CCDC171: variants seen among roughly 807,000 people sequenced by gnomAD.
CCDC171 encodes the protein coiled-coil domain-containing protein 171.
In CCDC171, 177 loss-of-function variants were observed where a neutral mutation model predicts 168.2. The ratio of observed to expected loss-of-function variants is 1.05; its 90% confidence interval spans 0.93 to 1.19. CCDC171 has a LOEUF of 1.19. CCDC171 is among the 50% of genes most tolerant of loss of function. The pLI is 0.00. For missense variants in CCDC171, 1,991 were observed against 1,539.0 expected, an observed-to-expected ratio of 1.29 and a Z score of -4.91; for synonymous variants, 687 against 540.8, an observed-to-expected ratio of 1.27 and a Z score of -3.75.
Position 15,871,762 on chromosome 9 carries a change from C to T in CCDC171, c.3469-2770C>T, listed in dbSNP as rs2062047385. ...CCTTGAAATTCAGACTTGCCTTCTGCATTCTTTCTGAAGTCTCTTCCTTCT... is the reference window on the plus strand; with the variant it reads ...CCTTGAAATTCAGACTTGCCTTCTGTATTCTTTCTGAAGTCTCTTCCTTCT... On this transcript the variant is annotated intron_variant, in intron 23 of 25. Coordinates refer to ENST00000380701, the MANE Select transcript of CCDC171 (RefSeq NM_173550.4). 1.3e-5 allele frequency among the ~76,000 whole-genome samples: 2 copies of T among 151,944 alleles called. 1 individual carries two copies. Among genetic ancestry groups the T allele is most frequent in the South Asian group, 4.1e-4 (2 of 4,836 alleles).
chr9:15,907,453 A>G (rs1822861460), intron 24 of CCDC171, among the ~76,000 whole-genome samples: 1 of 152,242 alleles, frequency 6.6e-6, no homozygotes, highest in Non-Finnish European at 1.5e-5. Flanking sequence ...CTGGCTAGCC[A>G]TATGTAGAAA....
At chr9:15,682,452 T>C (rs961423077) in intron 10 of CCDC171, among the ~76,000 whole-genome samples, 3 of 152,028 alleles carry the variant, frequency 2.0e-5, no homozygotes, top group Admixed American at 6.6e-5. Context: ...AATTTAATTG[T>C]ACTTTATTTA....
At chr9:15,851,003 T>G (rs1189924486) in intron 23 of CCDC171, among the ~76,000 whole-genome samples, 1 of 151,992 alleles carries the variant, frequency 6.6e-6, no homozygotes, top group Non-Finnish European at 1.5e-5. Context: ...AGAATAAAAC[T>G]AAGTCTTACC....
Position 15,594,052 on chromosome 9 carries a change from A to C in CCDC171, c.555A>C (p.Glu185Asp). ...TTATTTATATAAAGGAAGCGTTGGA[A>C]AAACATCAACGGGAGAAGAATGAGA... Reference protein sequence around the residue: ...RLEKTLQEALEKHQREKNEME... With the variant: ...RLEKTLQEALDKHQREKNEME... The change falls in exon 6 of 26, where the codon GAA becomes GAC. Residue 185 changes from glutamate (E) to aspartate (D), a missense_variant. By Grantham distance (45) the Glu-to-Asp change is conservative. Coordinates refer to ENST00000380701, the MANE Select transcript of CCDC171 (RefSeq NM_173550.4). The C allele has an allele frequency of 6.3e-7, 1 of 1,588,100 alleles. No individual in the cohort carries two copies. The highest frequency in any genetic ancestry group is 8.6e-7 in the Non-Finnish European group (1 of 1,166,586).
intron 21 of CCDC171, among the ~76,000 whole-genome samples, chr9:15,787,267 ATATACAT>A (rs1322245778): frequency 6.6e-6 from 1 of 151,898 alleles, no homozygotes. Context: ...CCATTTTGAA[ATATACAT>A]TATTATTAAC....
chr9:15,632,700 G>A (rs2045828972), intron 7 of CCDC171, among the ~76,000 whole-genome samples: 1 of 152,148 alleles, frequency 6.6e-6, no homozygotes, highest in Admixed American at 6.5e-5. Context: ...CCAAAAAAGA[G>A]CCTGCATCGC....
upstream of CCDC171, among the ~76,000 whole-genome samples, chr9:16,040,136 A>G (rs1305846807): frequency 6.6e-6 from 1 of 152,112 alleles, no homozygotes; most frequent in Non-Finnish European, 1.5e-5. Flanking sequence ...CCCTCACTCC[A>G]CAGTCCCTCC....
upstream of CCDC171, among the ~76,000 whole-genome samples, chr9:16,041,401 C>T (rs10810526): frequency 0.36 from 54,389 of 152,000 alleles, 12,140 homozygotes; most frequent in East Asian, 0.63. Context: ...ATGGCTCATG[C>T]AGGAGAAAAG....
chr9:15,846,786 G>C lies in CCDC171; in HGVS notation c.3352G>C (p.Asp1118His), dbSNP rs2060914157. Residue 1118 changes from aspartate (D) to histidine (H), a missense_variant, in exon 22 of 26, where the codon GAC becomes CAC. Coordinates refer to ENST00000380701, the MANE Select transcript of CCDC171 (RefSeq NM_173550.4). ...TAGACATCTTACCCAGCTGGAGCAG[G>C]ACAAGCGTCGACTGGAGGAGAACAT... The part of the protein sequence containing the change: ...LNRHLTQLEQ[D>H]KRRLEENIHD... 1 of 1,611,938 alleles carries C rather than the reference G, an allele frequency of 6.2e-7. No homozygotes were observed. The highest frequency in any genetic ancestry group is 1.1e-5 in the South Asian group (1 of 90,720).
intron 7 of CCDC171, among the ~76,000 whole-genome samples, chr9:15,646,035 T>G (rs1278119393): frequency 2.0e-5 from 3 of 152,160 alleles, no homozygotes; most frequent in Non-Finnish European, 4.4e-5. Context: ...CCCATCAGAC[T>G]AACAGTGGAT....
rs758269412 is a variant in CCDC171, at chr9:15,744,346, T to C, written c.2123T>C (p.Leu708Pro). 6.2e-7 allele frequency: 1 copy of C among 1,613,982 alleles called. No homozygotes were observed. The highest frequency in any genetic ancestry group is 2.2e-5 in the East Asian group (1 of 44,880). ...HIEKSHEQLV[L>P]ENSHFKKLLS... ...GAGAAGTCACATGAACAGTTGGTTC[T>C]TGAAAATTCGCACTTCAAAAAACTG... The change falls in exon 17 of 26, where the codon CTT becomes CCT. Residue 708 changes from leucine to proline, a missense_variant. Coordinates refer to ENST00000380701, the MANE Select transcript of CCDC171 (RefSeq NM_173550.4).
intron 1 of CCDC171, among the ~76,000 whole-genome samples, chr9:15,558,390 T>TATTG (rs2038988352): frequency 6.6e-6 from 1 of 151,592 alleles, no homozygotes; most frequent in Admixed American, 6.6e-5. Context: ...GTTGGTAGGC[T>TATTG]ATTATTGCCT....
At chr9:15,701,273 T>C (rs1304041142) in intron 11 of CCDC171, among the ~76,000 whole-genome samples, 1 of 152,240 alleles carries the variant, frequency 6.6e-6, no homozygotes. Context: ...ATTTTTGTTT[T>C]TGTTGCCTGT....
chr9:15,879,546 AC>A (rs1818325025), intron 24 of CCDC171, among the ~76,000 whole-genome samples: 2 of 152,122 alleles, frequency 1.3e-5, no homozygotes, highest in South Asian at 4.1e-4. Context: ...CTTCTAGCTA[AC>A]TATTTTTGTA....
intron 19 of CCDC171, 33 bp from the exon 20 acceptor site, chr9:15,778,935 A>C: frequency 7.1e-7 from 1 of 1,399,736 alleles, no homozygotes. Flanking sequence ...ATCTGTAGTT[A>C]CTGTTTATAA....
rs1817586066 is a variant in CCDC171, at chr9:15,874,514, C to T, written c.3469-18C>T. ...GTCTGAAGGGGAATTACCATTGATG[C>T]TGTTTTTTTCCCTTTAGGTCAGAGA... On this transcript the variant is annotated intron_variant, in intron 23 of 25. Transcript: ENST00000380701. 64 of 1,576,956 alleles carry T rather than the reference C, an allele frequency of 4.1e-5. No individual in the cohort carries two copies. Among genetic ancestry groups the T allele is most frequent in the Middle Eastern group, 1.7e-4 (1 of 5,788 alleles).
chr9:15,576,210 G>T (rs1480408723), intron 3 of CCDC171, among the ~76,000 whole-genome samples: 1 of 151,652 alleles, frequency 6.6e-6, no homozygotes, highest in African/African-American at 2.4e-5. Flanking sequence ...TAGAGACAGG[G>T]TCTTGCTCTG....
intron 8 of CCDC171, among the ~76,000 whole-genome samples, chr9:15,663,378 C>T (rs886192115): frequency 3.9e-5 from 6 of 152,064 alleles, no homozygotes; most frequent in Admixed American, 1.3e-4. Context: ...GGTAAACTAT[C>T]TACAGAGTTA....
chr9:15,591,273 C>T (rs1276220826), intron 4 of CCDC171, 93 bp from the exon 5 acceptor site: 2 of 711,476 alleles, frequency 2.8e-6, no homozygotes, highest in Admixed American at 3.1e-5. Flanking sequence ...TAAGATCATG[C>T]TGTAAATGAT....
Sources: allele counts gnomAD v4.1 joint callset (sites outside exome capture counted in the v4.1 genomes callset), GRCh38; gene constraint gnomAD v4.1.1; transcripts MANE v1.5; gene names NCBI Gene and HGNC (gene_info 2026-07-23, HGNC 2026-07-21).